Variants in PPFIA2 observed in about 807,000 individuals in gnomAD.
PPFIA2 encodes the protein PPFI scaffold protein A2, also known as liprin-alpha-2.
In PPFIA2, 46 loss-of-function variants were observed where a neutral mutation model predicts 175.5. The observed-to-expected ratio is 0.26, with a 90% CI of 0.21 to 0.34. The LOEUF is 0.34. PPFIA2 is among the 10% of genes least tolerant of loss of function. The probability of loss-of-function intolerance (pLI) is 1.00; values close to 1 mark genes in which losing one functional copy is unlikely to be tolerated. For missense variants in PPFIA2, 1,179 were observed against 1,506.1 expected (o/e 0.78, Z 3.60); for synonymous variants, 568 against 511.4 (o/e 1.11, Z -1.49).
intron 4 of PPFIA2, among the ~76,000 whole-genome samples, chr12:81,546,962 C>T (rs1210276884): frequency 2.6e-5 from 4 of 151,998 alleles, no homozygotes; most frequent in Non-Finnish European, 5.9e-5. Context: ...GTTAGCAGGA[C>T]GTCACTTCTC....
At chr12:81,497,180 C>G (rs2060111610) in intron 4 of PPFIA2, among the ~76,000 whole-genome samples, 1 of 152,140 alleles carries the variant, frequency 6.6e-6, no homozygotes, top group African/African-American at 2.4e-5. Flanking sequence ...TCACCAATGA[C>G]AAGTGTGACT....
At chr12:81,306,969 A>AG (rs1473421550) in intron 22 of PPFIA2, among the ~76,000 whole-genome samples, 13 of 152,176 alleles carry the variant, frequency 8.5e-5, no homozygotes, top group Non-Finnish European at 1.6e-4. Flanking sequence ...TTAATTATCT[A>AG]ATTACCTTTC....
intron 4 of PPFIA2, among the ~76,000 whole-genome samples, chr12:81,669,547 G>GA (rs746092274): frequency 5.3e-5 from 8 of 151,860 alleles, no homozygotes; most frequent in Non-Finnish European, 7.4e-5. Context: ...TATAGGATCA[G>GA]AAAAAATAAT....
chr12:81,311,317 T>C (rs1033237605), intron 22 of PPFIA2, among the ~76,000 whole-genome samples: 23 of 152,318 alleles, frequency 1.5e-4, no homozygotes, highest in Middle Eastern at 3.4e-3. Context: ...AGGATTATTC[T>C]TGGCTCTCTA....
intron 4 of PPFIA2, among the ~76,000 whole-genome samples, chr12:81,585,064 A>ATAATATATTAATTATATTT (rs1595290107): frequency 5.4e-4 from 65 of 119,644 alleles, no homozygotes; most frequent in East Asian, 1.7e-3. Flanking sequence ...ATAATTATAT[A>ATAATATATTAATTATATTT]ATATATAAAT....
intron 4 of PPFIA2, chr12:81,598,130 G>C (rs2059439871): frequency 1.3e-6 from 2 of 1,502,512 alleles, no homozygotes; most frequent in African/African-American, 1.4e-5. Flanking sequence ...AGGGAGACTA[G>C]AGGGTAAAAT....
intron 4 of PPFIA2, among the ~76,000 whole-genome samples, chr12:81,493,972 G>C (rs2059729622): frequency 1.3e-5 from 2 of 151,628 alleles, no homozygotes; most frequent in Admixed American, 6.6e-5. Context: ...ATTTAGGTTA[G>C]ACCTAAAACC....
intron 4 of PPFIA2, among the ~76,000 whole-genome samples, chr12:81,549,493 G>T (rs1289436676): frequency 6.6e-6 from 1 of 151,890 alleles, no homozygotes; most frequent in Non-Finnish European, 1.5e-5. Context: ...ACTAACTGCT[G>T]TCCCCATATC....
At chr12:81,495,674 G>C (rs1357882391) in intron 4 of PPFIA2, among the ~76,000 whole-genome samples, 1 of 152,018 alleles carries the variant, frequency 6.6e-6, no homozygotes, top group African/African-American at 2.4e-5. Flanking sequence ...AATTAACTAG[G>C]CATGATGGTG....
intron 4 of PPFIA2, among the ~76,000 whole-genome samples, chr12:81,647,305 A>G (rs1045690611): frequency 6.6e-6 from 1 of 152,142 alleles, no homozygotes; most frequent in East Asian, 1.9e-4. Context: ...AAAACAGAAA[A>G]CAGAACATCT....
rs2036760533 is a variant in PPFIA2, at chr12:81,264,964, A to G, written c.3556-1574T>C. Among the ~76,000 whole-genome samples the G allele has an allele frequency of 2.6e-5, 4 of 152,158 alleles. No homozygotes were observed. In the South Asian group the frequency reaches 8.3e-4, roughly 31 times the overall value. On this transcript the variant is annotated intron_variant, in intron 30 of 32. Coordinates refer to ENST00000549396, the MANE Select transcript of PPFIA2 (RefSeq NM_003625.5). ...ACTATGTTACACTGTAGAGCTACAC[A>G]ACTCCTTACAGTGTCGTAGCTAGGG...
intron 4 of PPFIA2, among the ~76,000 whole-genome samples, chr12:81,636,530 G>T (rs1239462496): frequency 2.0e-5 from 3 of 150,996 alleles, no homozygotes; most frequent in African/African-American, 7.3e-5. Flanking sequence ...CTCCCAAAGT[G>T]CTGGGATTAC....
At chr12:81,678,830 G>C (rs566878740) in intron 3 of PPFIA2, among the ~76,000 whole-genome samples, 3 of 151,888 alleles carry the variant, frequency 2.0e-5, no homozygotes, top group African/African-American at 7.2e-5. Flanking sequence ...TTCTGGCTCT[G>C]AAAAGTAAAA....
intron 2 of PPFIA2, among the ~76,000 whole-genome samples, chr12:81,755,397 A>T (rs1214814175): frequency 2.0e-5 from 3 of 152,176 alleles, no homozygotes; most frequent in South Asian, 2.1e-4. Flanking sequence ...GATGTAAAGA[A>T]AGGCAGGTTT....
At chr12:81,340,809 A>G (rs541856113) in intron 20 of PPFIA2, among the ~76,000 whole-genome samples, 18 of 152,078 alleles carry the variant, frequency 1.2e-4, no homozygotes, top group Admixed American at 2.6e-4. Context: ...ATCTCATTGT[A>G]ATAGAAAATA....
chr12:81,553,504 G>A (rs954450955), intron 4 of PPFIA2, among the ~76,000 whole-genome samples: 3 of 152,048 alleles, frequency 2.0e-5, no homozygotes, highest in Non-Finnish European at 2.9e-5. Context: ...GAAGTTGGTA[G>A]CATAAAAGAC....
chr12:81,468,343 A>G (rs1345476049), intron 4 of PPFIA2, among the ~76,000 whole-genome samples: 1 of 152,210 alleles, frequency 6.6e-6, no homozygotes, highest in African/African-American at 2.4e-5. Flanking sequence ...TCGACATTCT[A>G]AGTACATTAG....
intron 4 of PPFIA2, among the ~76,000 whole-genome samples, chr12:81,630,120 T>C (rs1260666642): frequency 1.3e-5 from 2 of 152,150 alleles, no homozygotes; most frequent in African/African-American, 4.8e-5. Flanking sequence ...GGCAAACAAG[T>C]AGATTCTTCC....
At chr12:81,546,988 C>T (rs906386935) in intron 4 of PPFIA2, among the ~76,000 whole-genome samples, 60 of 152,016 alleles carry the variant, frequency 3.9e-4, no homozygotes, top group African/African-American at 1.4e-3. Flanking sequence ...CTAATCATGC[C>T]CTAAGCCTGG....
Sources: allele counts gnomAD v4.1 joint callset (sites outside exome capture counted in the v4.1 genomes callset), GRCh38; gene constraint gnomAD v4.1.1; transcripts MANE v1.5; gene names NCBI Gene and HGNC (gene_info 2026-07-23, HGNC 2026-07-21).